RRM2: variants seen among roughly 807,000 people sequenced by gnomAD.
RRM2 encodes the protein ribonucleoside-diphosphate reductase subunit M2.
RRM2 carries 6 observed loss-of-function variants against 45.9 expected under a neutral mutation model. The observed-to-expected ratio is 0.13, with a 90% CI of 0.07 to 0.26. The LOEUF (loss-of-function observed/expected upper bound fraction) is 0.26. Among genes scored for constraint, RRM2 ranks in the 10% least tolerant of loss-of-function variants. The pLI is 1.00. For synonymous variants in RRM2, 177 were observed against 173.0 expected (o/e 1.02, Z -0.18); for missense variants, 343 against 489.5 (o/e 0.70, Z 2.82).
At chr2:10,154,238 C>G (rs1663376111) in intron 3 of RRM2, among the ~76,000 whole-genome samples, 2 of 152,136 alleles carry the variant, frequency 1.3e-5, no homozygotes, top group Admixed American at 1.3e-4. Context: ...CTTTGGGAGG[C>G]CTAGGCGGGC....
At chr2:10,173,224 AG>A (rs1663839867) in intron 3 of RRM2, among the ~76,000 whole-genome samples, 1 of 152,162 alleles carries the variant, frequency 6.6e-6, no homozygotes, top group Non-Finnish European at 1.5e-5. Flanking sequence ...TGGGTTCCAT[AG>A]CAGGCACTCA....
chr2:10,194,290 A>G (rs1664367620), intron 3 of RRM2, among the ~76,000 whole-genome samples: 1 of 152,162 alleles, frequency 6.6e-6, no homozygotes, highest in Admixed American at 6.5e-5. Context: ...CTCTAAGCAA[A>G]GGCGGTGGTG....
chr2:10,187,197 G>GAACATCTCTACCCA (rs1420575382), intron 3 of RRM2, among the ~76,000 whole-genome samples: 2 of 152,200 alleles, frequency 1.3e-5, no homozygotes, highest in African/African-American at 4.8e-5. Flanking sequence ...ATGCTGCTGG[G>GAACATCTCTACCCA]GCCGCTCCTC....
In RRM2 at chr2:10,127,397, T is replaced by A. The variant is rs1662802457; in HGVS notation, c.798+177T>A. On this transcript the variant is annotated intron_variant, in intron 7 of 9. Coordinates refer to ENST00000304567, the MANE Select transcript of RRM2 (RefSeq NM_001034.4). This position sits in a 1 kb window ranked among gnomAD's most constrained non-coding sequence, Gnocchi z 4.1. ...AATACTTTCATTTACTGAAACTGTT[T>A]TACTTGCATTCTCAATATATTGTAA... 4.7e-6 allele frequency: 3 copies of A among 635,946 alleles called. No homozygotes were observed. The highest frequency in any genetic ancestry group is 5.4e-6 in the Non-Finnish European group (2 of 372,090). 39.4% of individuals were successfully genotyped at this position (635,946 alleles called of 1,614,324 possible).
rs115675631 is a variant in RRM2, at chr2:10,146,678, G to A, written n.482+4303G>A. Among the ~76,000 whole-genome samples the A allele has an allele frequency of 4.1e-3, 628 of 152,332 alleles. 4 individuals are homozygous for A. Among genetic ancestry groups the A allele is most frequent in the African/African-American group, 0.014 (593 of 41,580 alleles). On this transcript the variant is annotated intron_variant and non_coding_transcript_variant, in intron 3 of 3. Transcript: ENST00000381786. ...GGGCGCAGGAGAGCTGAGATGGGGT[G>A]GGGATGGATCAGGCCTTGAGAGGGT...
intron 4 of RRM2, 124 bp from the exon 5 acceptor site, chr2:10,124,593 T>G: frequency 9.7e-7 from 1 of 1,035,856 alleles, no homozygotes; most frequent in Non-Finnish European, 1.4e-6. Context: ...TGTGACAAAT[T>G]GGATGAAATA....
intron 3 of RRM2, among the ~76,000 whole-genome samples, chr2:10,161,746 A>G (rs1388066771): frequency 6.6e-6 from 1 of 152,094 alleles, no homozygotes; most frequent in Non-Finnish European, 1.5e-5. Flanking sequence ...CAGGACTCTA[A>G]TTTCCTGATG....
intron 3 of RRM2, among the ~76,000 whole-genome samples, chr2:10,191,268 T>C (rs755854952): frequency 6.6e-6 from 1 of 152,216 alleles, no homozygotes; most frequent in Non-Finnish European, 1.5e-5. Context: ...AGCGTGGCCT[T>C]GGTCACAGCA....
chr2:10,166,625 G>C (rs1304074142), intron 3 of RRM2, among the ~76,000 whole-genome samples: 1 of 152,240 alleles, frequency 6.6e-6, no homozygotes, highest in Non-Finnish European at 1.5e-5. Context: ...ACTGAGGCCC[G>C]TCTGCGATGC....
At chr2:10,126,330 C>A (rs1662779992) in intron 5 of RRM2, among the ~76,000 whole-genome samples, 1 of 152,076 alleles carries the variant, frequency 6.6e-6, no homozygotes. Context: ...ATCCAGTTAA[C>A]TGTAGTACCC....
At chr2:10,179,680 C>T (rs1487158636) in intron 3 of RRM2, among the ~76,000 whole-genome samples, 3 of 152,178 alleles carry the variant, frequency 2.0e-5, no homozygotes, top group Non-Finnish European at 4.4e-5. Context: ...GTGGGAGCTG[C>T]ATCTCTCTGC....
In RRM2 at chr2:10,185,111, G is replaced by A. The variant is rs1216117866; in HGVS notation, n.483-25200G>A. On this transcript the variant is annotated intron_variant and non_coding_transcript_variant, in intron 3 of 3. Coordinates refer to the RRM2 transcript ENST00000381786. The surrounding 1 kb of genome is among the most constrained non-coding windows in gnomAD (Gnocchi z 4.3). Reference sequence around the variant, plus strand: ...TGCGGTAGATTTGGAAGATTTCTGTGATGTTTTGTTTGACTAATGCTTATT... The same window carrying A: ...TGCGGTAGATTTGGAAGATTTCTGTAATGTTTTGTTTGACTAATGCTTATT... Among the ~76,000 whole-genome samples the A allele has an allele frequency of 6.6e-6, 1 of 152,224 alleles. No homozygotes were observed. Among genetic ancestry groups the A allele is most frequent in the Non-Finnish European group, 1.5e-5 (1 of 68,046 alleles).
intron 3 of RRM2, among the ~76,000 whole-genome samples, chr2:10,206,969 T>G (rs1446906211): frequency 6.6e-6 from 1 of 152,172 alleles, no homozygotes; most frequent in Non-Finnish European, 1.5e-5. Context: ...AGACTCTCAC[T>G]AAAGGGCCTC....
rs1558381748 is a variant in RRM2, at chr2:10,129,434, C to CAT, written c.*50_*51dup. On this transcript the variant is annotated 3_prime_UTR_variant, in exon 10 of 10. Coordinates refer to ENST00000304567, the MANE Select transcript of RRM2 (RefSeq NM_001034.4). The surrounding 1 kb of genome is among the most constrained non-coding windows in gnomAD (Gnocchi z 4.8). ...CTTGGCTGATTTTTTTTTTCCATCT[C>CAT]ATAAGAAAAATCAGCTGAAGTGTTA... The CAT allele has an allele frequency of 6.4e-7, 1 of 1,563,098 alleles. No homozygotes were observed. Among genetic ancestry groups the CAT allele is most frequent in the Non-Finnish European group, 8.6e-7 (1 of 1,157,612 alleles).
At chr2:10,191,128 C>T (rs1383850445) in intron 3 of RRM2, among the ~76,000 whole-genome samples, 3 of 152,208 alleles carry the variant, frequency 2.0e-5, no homozygotes, top group Non-Finnish European at 2.9e-5. Context: ...CCCAGATGTG[C>T]TGAGGACAAG....
Position 10,205,568 on chromosome 2 carries a change from G to GGA in RRM2, n.483-4736_483-4735dup, listed in dbSNP as rs1362761101. On this transcript the variant is annotated intron_variant and non_coding_transcript_variant, in intron 3 of 3. Coordinates refer to the RRM2 transcript ENST00000381786. The surrounding 1 kb of genome is among the most constrained non-coding windows in gnomAD (Gnocchi z 4.8). ...GAGGCAGGAGGAGAGACATGGAAAG[G>GGA]GAGAGAGATACCTTCCGTTTCAAGG... Among the ~76,000 whole-genome samples, 2 of 152,216 alleles carry GGA rather than the reference G, an allele frequency of 1.3e-5. No homozygotes were observed. The highest frequency in any genetic ancestry group is 4.8e-5 in the African/African-American group (2 of 41,462).
intron 3 of RRM2, among the ~76,000 whole-genome samples, chr2:10,199,793 A>AC (rs202208894): frequency 0.24 from 32,986 of 137,048 alleles, 6,928 homozygotes; most frequent in Middle Eastern, 0.38. Flanking sequence ...AAAAAAAAAA[A>AC]AAAAAAAAAA....
At chr2:10,192,678 C>G (rs892507653) in intron 3 of RRM2, 1 of 154,326 alleles carries the variant, frequency 6.5e-6, no homozygotes, top group Admixed American at 6.5e-5. Flanking sequence ...CACCACCCAG[C>G]AGGGGAAGAC....
intron 3 of RRM2, among the ~76,000 whole-genome samples, chr2:10,180,075 C>T (rs917564958): frequency 1.3e-5 from 2 of 152,194 alleles, no homozygotes; most frequent in Non-Finnish European, 2.9e-5. Context: ...TGCCATCCCA[C>T]GGCTCCCTTC....
Sources: gnomAD v4.1 joint callset for allele counts (sites outside exome capture counted in the v4.1 genomes callset) on GRCh38, gnomAD v4.1.1 for gene constraint, Gnocchi (gnomAD v3.1) non-coding constraint, MANE v1.5 for transcripts, NCBI Gene and HGNC (gene_info 2026-07-23, HGNC 2026-07-21) for gene names.